FOXP2: variants seen among roughly 807,000 people sequenced by gnomAD.
FOXP2 encodes the protein forkhead box protein P2.
Under a neutral mutation model 115.8 loss-of-function variants are expected in FOXP2, and 12 were observed. That is an observed-to-expected ratio of 0.10 (90% CI 0.07 to 0.17). The LOEUF is 0.17. Among genes scored for constraint, FOXP2 ranks in the 10% least tolerant of loss-of-function variants. The pLI, the probability that FOXP2 is intolerant of heterozygous loss-of-function variation, is 1.00. For missense variants in FOXP2, 629 were observed against 843.5 expected, an observed-to-expected ratio of 0.75 and a Z score of 3.15; for synonymous variants, 328 against 297.7, an observed-to-expected ratio of 1.10 and a Z score of -1.05.
Position 114,250,705 on chromosome 7 carries a change from C to T in FOXP2, c.-101-37314C>T, listed in dbSNP as rs566460753. On this transcript the variant is annotated intron_variant, in intron 1 of 17. Coordinates refer to the FOXP2 transcript ENST00000634411. Reference sequence around the variant, plus strand: ...GTAGATTCTAGATATTAGCCCTTTGCCAGATGAGTAGATTGCAAAAATTTT... The same window carrying T: ...GTAGATTCTAGATATTAGCCCTTTGTCAGATGAGTAGATTGCAAAAATTTT... Among the ~76,000 whole-genome samples, 32 of 152,100 alleles carry T rather than the reference C, an allele frequency of 2.1e-4. No homozygotes were observed. The East Asian group carries it at 4.6e-3, about 22-fold the overall frequency.
intron 2 of FOXP2, among the ~76,000 whole-genome samples, chr7:114,306,444 T>C (rs565085488): frequency 6.6e-6 from 1 of 152,280 alleles, no homozygotes; most frequent in South Asian, 2.1e-4. Context: ...GTCCCAGATA[T>C]AATACCTTAT....
At chr7:114,141,455 A>C (rs1792205377) in intron 1 of FOXP2, among the ~76,000 whole-genome samples, 3 of 152,204 alleles carry the variant, frequency 2.0e-5, no homozygotes, top group Admixed American at 1.3e-4. Flanking sequence ...TGACTTAGGA[A>C]ATTTATATAT....
At chr7:114,558,170 A>G (rs1800562151) in intron 3 of FOXP2, among the ~76,000 whole-genome samples, 1 of 152,204 alleles carries the variant, frequency 6.6e-6, no homozygotes, top group Admixed American at 6.5e-5. Flanking sequence ...ATATTAAGTA[A>G]TAAAACACGT....
chr7:114,427,615 A>C (rs1793916982), intron 2 of FOXP2, among the ~76,000 whole-genome samples: 1 of 151,616 alleles, frequency 6.6e-6, no homozygotes. Flanking sequence ...CCTAAAAATC[A>C]TTAAAATTAC....
chr7:114,631,186 A>C, intron 5 of FOXP2: 1 of 327,510 alleles, frequency 3.1e-6, no homozygotes, highest in Non-Finnish European at 5.7e-6. Flanking sequence ...TGTGTCGTAG[A>C]AGTTGACTAT....
chr7:114,344,198 C>T (rs754922782), intron 2 of FOXP2, among the ~76,000 whole-genome samples: 3 of 151,700 alleles, frequency 2.0e-5, no homozygotes, highest in Non-Finnish European at 4.4e-5. Flanking sequence ...GTACTAACAG[C>T]ATGCTACACC....
upstream of FOXP2, among the ~76,000 whole-genome samples, chr7:114,160,082 A>G (rs917563515): frequency 7.9e-5 from 12 of 152,178 alleles, no homozygotes; most frequent in African/African-American, 2.9e-4. Flanking sequence ...CTACAGTCAA[A>G]TAGTATAGGT....
At chr7:114,481,929 A>G (rs1475839645) in intron 2 of FOXP2, among the ~76,000 whole-genome samples, 1 of 151,298 alleles carries the variant, frequency 6.6e-6, no homozygotes, top group African/African-American at 2.4e-5. Context: ...TTGATGTATA[A>G]TCAGGAAAAT....
intron 2 of FOXP2, among the ~76,000 whole-genome samples, chr7:114,455,127 T>C (rs1178601438): frequency 1.3e-5 from 2 of 152,226 alleles, no homozygotes; most frequent in Non-Finnish European, 2.9e-5. Flanking sequence ...GTTTCAAATG[T>C]ATGCATATTC....
chr7:114,494,850 A>C (rs954292294), intron 2 of FOXP2, among the ~76,000 whole-genome samples: 5 of 152,202 alleles, frequency 3.3e-5, no homozygotes, highest in African/African-American at 1.2e-4. Context: ...GCCTGGAATG[A>C]TGCTTAACTT....
intron 1 of FOXP2, among the ~76,000 whole-genome samples, chr7:114,119,338 T>C (rs1791496778): frequency 6.6e-6 from 1 of 152,284 alleles, no homozygotes; most frequent in African/African-American, 2.4e-5. Flanking sequence ...TTGTATCAGC[T>C]AGGTTGTCTG....
chr7:114,658,832 C>A (rs973942447), intron 11 of FOXP2, among the ~76,000 whole-genome samples: 6 of 152,274 alleles, frequency 3.9e-5, no homozygotes, highest in African/African-American at 7.2e-5. Context: ...CCTTCTCCCC[C>A]ACCTGCCATC....
chr7:114,663,330 T>C (rs2097247984), intron 14 of FOXP2, 120 bp from the exon 15 acceptor site: 3 of 703,932 alleles, frequency 4.3e-6, no homozygotes, highest in Admixed American at 5.0e-5. Context: ...TGGCCTTATA[T>C]ACATCCAGTA....
intron 6 of FOXP2, among the ~76,000 whole-genome samples, chr7:114,638,390 T>C (rs1242156734): frequency 1.3e-5 from 2 of 152,172 alleles, no homozygotes; most frequent in Non-Finnish European, 2.9e-5. Flanking sequence ...TTTATAAGAC[T>C]ACTGTTCCAT....
intron 2 of FOXP2, among the ~76,000 whole-genome samples, chr7:114,528,513 T>C (rs573607773): frequency 5.7e-4 from 87 of 152,160 alleles, no homozygotes; most frequent in Non-Finnish European, 1.2e-3. Flanking sequence ...GTCACAAACA[T>C]TTTTAAGGAC....
intron 2 of FOXP2, among the ~76,000 whole-genome samples, chr7:114,390,599 GC>G: frequency 6.6e-6 from 1 of 152,120 alleles, no homozygotes; most frequent in South Asian, 2.1e-4. Context: ...TGTCGCCCAT[GC>G]TGGAATGCAG....
intron 1 of FOXP2, among the ~76,000 whole-genome samples, chr7:114,088,719 C>T (rs1231995997): frequency 1.6e-4 from 25 of 152,218 alleles, no homozygotes; most frequent in Admixed American, 1.5e-3. Context: ...TTTATGTTGT[C>T]AAGGGGACTG....
chr7:114,659,778 T>G (rs903791263), intron 13 of FOXP2, 105 bp downstream of exon 13: 2 of 870,424 alleles, frequency 2.3e-6, no homozygotes, highest in Admixed American at 3.6e-5. Flanking sequence ...CTGCTTCCCC[T>G]CTTTTTAACC....
chr7:114,316,128 C>T (rs1046423022), intron 2 of FOXP2, among the ~76,000 whole-genome samples: 2 of 152,096 alleles, frequency 1.3e-5, no homozygotes, highest in Non-Finnish European at 2.9e-5. Context: ...CTAACTTCAG[C>T]TGGGTGTGTG....
Sources: gnomAD v4.1 joint callset for allele counts (sites outside exome capture counted in the v4.1 genomes callset) on GRCh38, gnomAD v4.1.1 for gene constraint, MANE v1.5 for transcripts, NCBI Gene and HGNC (gene_info 2026-07-23, HGNC 2026-07-21) for gene names.